The following PPP2R3A variants were observed in gnomAD, a reference collection of about 807,000 sequenced individuals.
PPP2R3A encodes the protein serine/threonine-protein phosphatase 2A regulatory subunit B'' subunit alpha.
PPP2R3A carries 80 observed loss-of-function variants against 106.9 expected under a neutral mutation model. The ratio of observed to expected loss-of-function variants is 0.75; its 90% CI spans 0.62 to 0.90. The LOEUF (loss-of-function observed/expected upper bound fraction) is 0.90. PPP2R3A is among the 40% of genes least tolerant of loss of function. The pLI is 0.00. For missense variants in PPP2R3A, 1,386 were observed against 1,350.4 expected (o/e 1.03, Z -0.41); for synonymous variants, 483 against 468.3 (o/e 1.03, Z -0.41).
rs79714913 is a variant in PPP2R3A at position 136,088,182 on chromosome 3, G to A, written c.2837+251G>A. Among the ~76,000 whole-genome samples the A allele has an allele frequency of 2.5e-3, 386 of 152,234 alleles. 7 individuals carry two copies. The East Asian group carries it at 0.047, about 19-fold the overall frequency. Reference sequence around the variant, plus strand: ...GGGTGATGATGAGATTTGGTGTATGGAGGATCCTGTCACACAGGCAGTGAG... The same window carrying A: ...GGGTGATGATGAGATTTGGTGTATGAAGGATCCTGTCACACAGGCAGTGAG... On this transcript the variant is annotated intron_variant, in intron 9 of 13. Transcript: ENST00000264977.
Position 136,078,423 on chromosome 3 carries a change from G to T in PPP2R3A, c.2601G>T (p.Ser867=). The change falls in exon 7 of 14, where the codon TCG becomes TCT. Residue 867 remains serine, a synonymous_variant. Transcript: ENST00000264977. ...VNRSWSGKIT[S]TEIRKSNFLQ... Reference sequence around the variant, plus strand: ...GATCTTGGAGTGGAAAAATTACTTCGACAGAGATAAGAAAAAGCAACTTTT... The same window carrying T: ...GATCTTGGAGTGGAAAAATTACTTCTACAGAGATAAGAAAAAGCAACTTTT... 1 of 1,610,264 alleles carries T rather than the reference G, an allele frequency of 6.2e-7. No individual in the cohort carries two copies. Among genetic ancestry groups the T allele is most frequent in the Non-Finnish European group, 8.5e-7 (1 of 1,177,210 alleles).
chr3:136,140,674 G>A (rs1278110134), intron 13 of PPP2R3A, among the ~76,000 whole-genome samples: 6 of 151,462 alleles, frequency 4.0e-5, no homozygotes, highest in South Asian at 2.1e-4. Flanking sequence ...CTTGAACCCC[G>A]GAGGCAGAGT....
At chr3:135,995,428 A>G (rs1045942798) in intron 1 of PPP2R3A, among the ~76,000 whole-genome samples, 1 of 145,778 alleles carries the variant, frequency 6.9e-6, no homozygotes, top group Admixed American at 6.8e-5. Flanking sequence ...AAAGAGTTCT[A>G]TGAGACTTAC....
chr3:136,003,120 A>G lies in PPP2R3A; in HGVS notation c.1622A>G (p.Asn541Ser). Reference sequence around the variant, plus strand: ...AAGGGTAAAAACTCTAATTTTTTAAATAGTCACAGTCAGTTGACCGGTCAG... The same window carrying G: ...AAGGGTAAAAACTCTAATTTTTTAAGTAGTCACAGTCAGTTGACCGGTCAG... ...LAKGKNSNFL[N>S]SHSQLTGQTL... is the part of the protein sequence containing the mutation. Residue 541 changes from asparagine (N) to serine (S), a missense_variant, in exon 2 of 14, where the codon AAT becomes AGT. Physicochemically the swap from Asn to Ser is conservative, Grantham distance 46 (BLOSUM62 1). Transcript: ENST00000264977. 1 of 1,611,300 alleles carries G rather than the reference A, an allele frequency of 6.2e-7. No homozygotes were observed. The highest frequency in any genetic ancestry group is 8.5e-7 in the Non-Finnish European group (1 of 1,179,318).
chr3:136,118,766 A>G (rs1937878685), intron 13 of PPP2R3A, among the ~76,000 whole-genome samples: 3 of 152,214 alleles, frequency 2.0e-5, no homozygotes. Context: ...GGATAGGAAG[A>G]ATAAATATTG....
intron 13 of PPP2R3A, among the ~76,000 whole-genome samples, chr3:136,116,673 G>C (rs1265250973): frequency 6.6e-6 from 1 of 152,268 alleles, no homozygotes; most frequent in East Asian, 1.9e-4. Flanking sequence ...AAAGGGATCA[G>C]TGCAACAAGA....
intron 1 of PPP2R3A, among the ~76,000 whole-genome samples, chr3:135,983,094 C>G (rs930692016): frequency 6.6e-6 from 1 of 152,094 alleles, no homozygotes; most frequent in Non-Finnish European, 1.5e-5. Context: ...AATAGGATTC[C>G]AAAGCCATAT....
chr3:135,990,973 C>T (rs1272642037), intron 1 of PPP2R3A, among the ~76,000 whole-genome samples: 1 of 152,140 alleles, frequency 6.6e-6, no homozygotes, highest in African/African-American at 2.4e-5. Context: ...TGTCTTCAAA[C>T]TTGAGACTCA....
chr3:136,079,480 T>C (rs1936712990), intron 7 of PPP2R3A, among the ~76,000 whole-genome samples: 1 of 150,352 alleles, frequency 6.7e-6, no homozygotes, highest in Non-Finnish European at 1.5e-5. Flanking sequence ...GCGATCTGGG[T>C]TCACCACAAT....
chr3:136,047,745 CA>C (rs1419237666), intron 4 of PPP2R3A, among the ~76,000 whole-genome samples: 1 of 151,274 alleles, frequency 6.6e-6, no homozygotes, highest in Non-Finnish European at 1.5e-5. Flanking sequence ...ACTAAAAATA[CA>C]AAAAAAAATT....
At chr3:135,976,510 A>G (rs1937425053) in intron 1 of PPP2R3A, among the ~76,000 whole-genome samples, 1 of 152,244 alleles carries the variant, frequency 6.6e-6, no homozygotes, top group Non-Finnish European at 1.5e-5. Flanking sequence ...TTTTTCTAGA[A>G]TACACAACAT....
intron 13 of PPP2R3A, among the ~76,000 whole-genome samples, chr3:136,113,646 A>G (rs907854341): frequency 1.3e-5 from 2 of 151,906 alleles, no homozygotes; most frequent in African/African-American, 2.4e-5. Context: ...CCAAACAAAA[A>G]CAAAACAGTG....
At chr3:136,086,492 A>G (rs1256845214) in intron 8 of PPP2R3A, among the ~76,000 whole-genome samples, 3 of 152,162 alleles carry the variant, frequency 2.0e-5, no homozygotes, top group Admixed American at 6.5e-5. Flanking sequence ...TGAATACTCC[A>G]TAATTATCCA....
chr3:136,063,653 G>A (rs1293655881), intron 5 of PPP2R3A, among the ~76,000 whole-genome samples: 17 of 152,122 alleles, frequency 1.1e-4, no homozygotes, highest in Admixed American at 2.0e-4. Context: ...GCAGCCAAAA[G>A]ACACATGAAA....
chr3:136,013,509 T>C (rs917203354), intron 2 of PPP2R3A, among the ~76,000 whole-genome samples: 2 of 151,994 alleles, frequency 1.3e-5, no homozygotes, highest in African/African-American at 4.8e-5. Flanking sequence ...ACCATGCCAA[T>C]ATCTACTATT....
chr3:136,074,629 T>G (rs1156892559), intron 6 of PPP2R3A, among the ~76,000 whole-genome samples: 4 of 152,248 alleles, frequency 2.6e-5, no homozygotes, highest in African/African-American at 9.6e-5. Flanking sequence ...AAATACTTCT[T>G]TATGACACTG....
At position 136,017,528 on chromosome 3, in the gene PPP2R3A, G is replaced by A. The variant is rs113664504; in HGVS notation, c.1996-9304G>A. ...GAATGATGCAGCTGTGAACATTTGT[G>A]TATAAGTTTTTGTGTGGACAAGGAC... On this transcript the variant is annotated intron_variant, in intron 2 of 13. Coordinates refer to ENST00000264977, the MANE Select transcript of PPP2R3A (RefSeq NM_002718.5). 9.2e-5 allele frequency among the ~76,000 whole-genome samples: 14 copies of A among 152,302 alleles called. 1 individual carries two copies. The highest frequency in any genetic ancestry group is 2.9e-4 in the African/African-American group (12 of 41,568).
At chr3:136,000,947 A>G (rs995885380) in intron 1 of PPP2R3A, 112 bp from the exon 2 acceptor site, 3 of 385,694 alleles carry the variant, frequency 7.8e-6, no homozygotes, top group Middle Eastern at 6.5e-4. Flanking sequence ...GCTGTAAGGG[A>G]TATTGCAGAT....
intron 5 of PPP2R3A, among the ~76,000 whole-genome samples, chr3:136,059,562 A>T (rs1352935314): frequency 2.0e-5 from 3 of 152,248 alleles, no homozygotes; most frequent in Non-Finnish European, 4.4e-5. Flanking sequence ...TATGGAAGAC[A>T]GTGTGGCAAT....
Sources: allele counts gnomAD v4.1 joint callset (sites outside exome capture counted in the v4.1 genomes callset), GRCh38; gene constraint gnomAD v4.1.1; transcripts MANE v1.5; gene names NCBI Gene and HGNC (gene_info 2026-07-23, HGNC 2026-07-21).